BST2: variants seen among roughly 807,000 people sequenced by gnomAD.
BST2 encodes the protein bone marrow stromal antigen 2.
Under a neutral mutation model 18.6 loss-of-function variants are expected in BST2, and 10 were observed. The observed-to-expected ratio is 0.54, with a 90% CI of 0.33 to 0.91. The LOEUF (loss-of-function observed/expected upper bound fraction) is 0.91. BST2 is among the 40% of genes least tolerant of loss of function. The pLI is 0.02. For synonymous variants in BST2, 75 were observed against 96.8 expected (o/e 0.77, Z 1.32); for missense variants, 183 against 228.4 (o/e 0.80, Z 1.28).
In BST2 at chr19:17,403,147, C is replaced by T; in HGVS notation, c.*195G>A. The stretch of plus-strand genomic sequence containing the variant: ...GGAGGGAGACAGCCCTGGGTCAACC[C>T]GACTGTGTCCCCACACCCAGGACTT... On this transcript the variant is annotated 3_prime_UTR_variant, in exon 5 of 5. Coordinates refer to ENST00000252593, the MANE Select transcript of BST2 (RefSeq NM_004335.4). The T allele has an allele frequency of 3.2e-5, 32 of 986,966 alleles. No individual in the cohort carries two copies. Among genetic ancestry groups the T allele is most frequent in the Non-Finnish European group, 3.9e-5 (32 of 831,016 alleles). The allele number at this position is 986,966 out of a possible 1,614,324, so 61.1% of individuals were successfully genotyped here. A position where few individuals can be genotyped will look rare whatever the true frequency, so the allele number is the denominator to read the frequency against.
chr19:17,405,393 C>T lies in BST2; in HGVS notation c.183G>A (p.Met61Ile), dbSNP rs527975495. 7 of 1,614,142 alleles carry T rather than the reference C, an allele frequency of 4.3e-6. No individual in the cohort carries two copies. Among genetic ancestry groups the T allele is most frequent in the Non-Finnish European group, 5.9e-6 (7 of 1,180,056 alleles). Residue 61 changes from methionine to isoleucine, a missense_variant, in exon 1 of 5, where the codon ATG becomes ATA. Transcript: ENST00000252593. The stretch of plus-strand genomic sequence containing the variant: ...GGAGATGGGTGACATTGCGACACTC[C>T]ATCACTGCCCGAAGGCCGTCCCGGC... ...EACRDGLRAV[M>I]ECRNVTHLLQ...
intron 4 of BST2, 52 bp downstream of exon 4, chr19:17,403,628 C>T: frequency 6.4e-7 from 1 of 1,568,080 alleles, no homozygotes; most frequent in Non-Finnish European, 8.6e-7. Context: ...GCTTCCCCGC[C>T]CCGCTTCCCC....
At chr19:17,403,912 G>C in intron 3 of BST2, 88 bp from the exon 4 acceptor site, 1 of 1,504,708 alleles carries the variant, frequency 6.6e-7, no homozygotes, top group Non-Finnish European at 8.9e-7. Flanking sequence ...AGTTCCCCCC[G>C]CACCGCCCCA....
In BST2 at chr19:17,405,323, C is replaced by T; in HGVS notation, c.253G>A (p.Glu85Lys). ...TGGTTGCAGGTGGCGGCCTGGGCCT[C>T]CACATCCTGAAAGCCCTTCTGGGCC... ...TEAQKGFQDVEAQAATCNHTV... is the reference protein window; with the variant it reads ...TEAQKGFQDVKAQAATCNHTV... The change falls in exon 1 of 5, where the codon GAG becomes AAG. Residue 85 changes from glutamate (E) to lysine (K), a missense_variant. Glu to Lys is a moderately conservative substitution (Grantham distance 56). Coordinates refer to ENST00000252593, the MANE Select transcript of BST2 (RefSeq NM_004335.4). 1 of 1,613,498 alleles carries T rather than the reference C, an allele frequency of 6.2e-7. No individual in the cohort carries two copies. The highest frequency in any genetic ancestry group is 1.1e-5 in the South Asian group (1 of 91,050).
rs184933462 is a variant in BST2 at position 17,403,894 on chromosome 19, C to T, written c.414-70G>A. The stretch of plus-strand genomic sequence containing the variant: ...TGCCGCCCTCCCTGTAAGCCCACCG[C>T]CCCCGGGAGTTCCCCCCGCACCGCC... On this transcript the variant is annotated intron_variant, in intron 3 of 4. Transcript: ENST00000252593. 648 of 1,558,200 alleles carry T rather than the reference C, an allele frequency of 4.2e-4. 2 individuals carry two copies. The African/African-American group carries it at 8.1e-3, about 19-fold the overall frequency.
intron 2 of BST2, 49 bp from the exon 3 acceptor site, chr19:17,404,238 T>C (rs1304286632): frequency 3.8e-6 from 6 of 1,581,148 alleles, no homozygotes; most frequent in Non-Finnish European, 5.2e-6. Flanking sequence ...CATGTGGCCA[T>C]GCTGGGGCCC....
At position 17,405,413 on chromosome 19, in the gene BST2, C is replaced by T. The variant is rs770863229; in HGVS notation, c.163G>A (p.Asp55Asn). The T allele has an allele frequency of 6.2e-7, 1 of 1,614,250 alleles. No individual in the cohort carries two copies. The highest frequency in any genetic ancestry group is 1.1e-5 in the South Asian group (1 of 91,084). The change falls in exon 1 of 5, where the codon GAC becomes AAC. Residue 55 changes from aspartate (D) to asparagine (N), a missense_variant. Physicochemically the swap from Asp to Asn is conservative, Grantham distance 23. Transcript: ENST00000252593. ...CACTCCATCACTGCCCGAAGGCCGT[C>T]CCGGCAGGCCTCGCTGTTGGCCTTG... is the stretch of plus-strand genomic sequence containing the variant. ...TIKANSEACR[D>N]GLRAVMECRN...
In BST2 at chr19:17,403,273, A is replaced by G; in HGVS notation, c.*69T>C. 9.5e-7 allele frequency: 1 copy of G among 1,057,676 alleles called. No homozygotes were observed. Among genetic ancestry groups the G allele is most frequent in the Non-Finnish European group, 1.1e-6 (1 of 871,404 alleles). The allele number at this position is 1,057,676 out of a possible 1,614,324, so 65.5% of individuals were successfully genotyped here. On this transcript the variant is annotated 3_prime_UTR_variant, in exon 5 of 5. Transcript: ENST00000252593. ...CCATGACCCGCTCAGAACTGATGAG[A>G]TCAAGGGAATGTTCAAGCGAAAAGC... is the stretch of plus-strand genomic sequence containing the variant.
chr19:17,404,575 C>A (rs906829733), intron 1 of BST2, 138 bp from the exon 2 acceptor site: 20 of 1,301,474 alleles, frequency 1.5e-5, no homozygotes, highest in Non-Finnish European at 1.6e-5. Context: ...ACCCTCTCTG[C>A]ACCATGGTCT....
At chr19:17,405,190 G>C in intron 1 of BST2, 101 bp downstream of exon 1, 1 of 1,402,068 alleles carries the variant, frequency 7.1e-7, no homozygotes, top group Non-Finnish European at 9.5e-7. Flanking sequence ...GACCTCCCCT[G>C]CATCTCCCTG....
Position 17,404,390 on chromosome 19 carries a change from C to G in BST2, c.333G>C (p.Lys111Asn). 1 of 1,609,692 alleles carries G rather than the reference C, an allele frequency of 6.2e-7. No individual in the cohort carries two copies. Among genetic ancestry groups the G allele is most frequent in the South Asian group, 1.1e-5 (1 of 90,950 alleles). Residue 111 changes from lysine to asparagine, a missense_variant, in exon 2 of 5, where the codon AAG becomes AAC. Physicochemically the swap from Lys to Asn is moderately conservative, Grantham distance 94. Coordinates refer to ENST00000252593, the MANE Select transcript of BST2 (RefSeq NM_004335.4). ...TCTCACCCTCAAGCTCCTCCACTTTCTTTTGTCCTTGGGCCTTCTCTGCAT... is the reference window on the plus strand; with the variant it reads ...TCTCACCCTCAAGCTCCTCCACTTTGTTTTGTCCTTGGGCCTTCTCTGCAT... ...SLDAEKAQGQ[K>N]KVEELEGEIT...
intron 1 of BST2, among the ~76,000 whole-genome samples, chr19:17,404,829 T>C (rs1331604870): frequency 6.6e-6 from 1 of 151,776 alleles, no homozygotes; most frequent in Admixed American, 6.6e-5. Flanking sequence ...AGTTTCAAGA[T>C]CCCCCATATC....
chr19:17,403,921 C>A, intron 3 of BST2, 97 bp from the exon 4 acceptor site: 1 of 1,486,932 alleles, frequency 6.7e-7, no homozygotes, highest in Non-Finnish European at 9.1e-7. Flanking sequence ...CGCACCGCCC[C>A]AATCCAAGTC....
chr19:17,403,171 T>C lies in BST2; in HGVS notation c.*171A>G. On this transcript the variant is annotated 3_prime_UTR_variant, in exon 5 of 5. Transcript: ENST00000252593. ...CCGACTGTGTCCCCACACCCAGGACTTCCCCATGGCCCCTCCAGACCTGCT... is the reference window on the plus strand; with the variant it reads ...CCGACTGTGTCCCCACACCCAGGACCTCCCCATGGCCCCTCCAGACCTGCT... 1.0e-6 allele frequency: 1 copy of C among 989,698 alleles called. No homozygotes were observed. The highest frequency in any genetic ancestry group is 1.2e-6 in the Non-Finnish European group (1 of 832,444). The allele number at this position is 989,698 out of a possible 1,614,324, so 61.3% of individuals were successfully genotyped here. A position where few individuals can be genotyped will look rare whatever the true frequency, so the allele number is the denominator to read the frequency against.
intron 2 of BST2, 65 bp downstream of exon 2, chr19:17,404,306 G>GCCCCCCCCCCCACATCCAAAACAGACAC: frequency 6.8e-7 from 1 of 1,469,936 alleles, no homozygotes; most frequent in Non-Finnish European, 9.5e-7. Flanking sequence ...TGGTCTCCCT[G>GCCCCCCCCCCCACATCCAAAACAGACAC]CCCCCACCCC....
At chr19:17,403,358 C>A in intron 4 of BST2, 32 bp from the exon 5 acceptor site, 1 of 1,163,790 alleles carries the variant, frequency 8.6e-7, no homozygotes, top group South Asian at 1.9e-5. Flanking sequence ...TCAGGGCAGA[C>A]TGGAGGCAGC....
At chr19:17,403,939 A>T in intron 3 of BST2, 115 bp from the exon 4 acceptor site, 1 of 1,431,254 alleles carries the variant, frequency 7.0e-7, no homozygotes, top group Non-Finnish European at 9.4e-7. Context: ...GTCACCGGGG[A>T]GGGAATGGAC....
At position 17,403,172 on chromosome 19, in the gene BST2, T is replaced by G. The variant is rs9576; in HGVS notation, c.*170A>C. ...CGACTGTGTCCCCACACCCAGGACT[T>G]CCCCATGGCCCCTCCAGACCTGCTC... On this transcript the variant is annotated 3_prime_UTR_variant, in exon 5 of 5. Transcript: ENST00000252593. The G allele has an allele frequency of 0.95, 939,715 of 989,458 alleles. 447,040 individuals carry two copies. The highest frequency in any genetic ancestry group is 0.96 in the Non-Finnish European group (799,350 of 832,580). The allele number at this position is 989,458 out of a possible 1,614,324, so 61.3% of individuals were successfully genotyped here. A position where few individuals can be genotyped will look rare whatever the true frequency, so the allele number is the denominator to read the frequency against.
Position 17,403,251 on chromosome 19 carries a change from T to C in BST2, c.*91A>G. ...TCTCCCCGCTAACCGTGTTGCCCCA[T>C]GACCCGCTCAGAACTGATGAGATCA... On this transcript the variant is annotated 3_prime_UTR_variant, in exon 5 of 5. Transcript: ENST00000252593. 3.0e-6 allele frequency: 3 copies of C among 1,006,322 alleles called. No individual in the cohort carries two copies. The highest frequency in any genetic ancestry group is 3.6e-6 in the Non-Finnish European group (3 of 842,026). 62.3% of individuals were successfully genotyped at this position (1,006,322 alleles called of 1,614,324 possible). A position where few individuals can be genotyped will look rare whatever the true frequency, so the allele number is the denominator to read the frequency against.
Sources: gnomAD v4.1 joint callset for allele counts (sites outside exome capture counted in the v4.1 genomes callset) on GRCh38, gnomAD v4.1.1 for gene constraint, MANE v1.5 for transcripts, NCBI Gene and HGNC (gene_info 2026-07-23, HGNC 2026-07-21) for gene names.